Variants in ANKRD28 observed in about 807,000 individuals in gnomAD.
ANKRD28 encodes ankyrin repeat domain 28, also known as serine/threonine-protein phosphatase 6 regulatory ankyrin repeat subunit A.
A neutral mutation model predicts 126.5 loss-of-function variants in ANKRD28; 44 were observed. The observed-to-expected ratio is 0.35, with a 90% CI of 0.27 to 0.45. The LOEUF (loss-of-function observed/expected upper bound fraction) is 0.45, where lower values mean the gene tolerates loss of function less well. Among genes scored for constraint, ANKRD28 ranks in the 20% least tolerant of loss-of-function variants. The pLI, the probability that ANKRD28 is intolerant of heterozygous loss-of-function variation, is 1.00. For missense variants in ANKRD28, 1,110 were observed against 1,316.6 expected (o/e 0.84, Z 2.43); for synonymous variants, 442 against 468.5 (o/e 0.94, Z 0.73).
intron 1 of ANKRD28, among the ~76,000 whole-genome samples, chr3:15,848,670 T>C (rs1287073013): frequency 6.6e-6 from 1 of 151,090 alleles, no homozygotes; most frequent in Non-Finnish European, 1.5e-5. Context: ...AGTGAGACCT[T>C]AACTTAAAAA....
At chr3:15,740,133 C>T (rs556017395) in intron 4 of ANKRD28, among the ~76,000 whole-genome samples, 11 of 152,300 alleles carry the variant, frequency 7.2e-5, no homozygotes, top group African/African-American at 2.4e-4. Context: ...AGTCGTGACA[C>T]AAGAATACAT....
intron 27 of ANKRD28, among the ~76,000 whole-genome samples, chr3:15,672,704 G>A (rs1399292640): frequency 2.0e-5 from 3 of 152,206 alleles, no homozygotes; most frequent in Non-Finnish European, 4.4e-5. Flanking sequence ...ATGAGAGCGG[G>A]AGTGGGGAAA....
At position 15,830,074 on chromosome 3, in the gene ANKRD28, T is replaced by C. The variant is rs1352365385; in HGVS notation, c.27+29303A>G. On this transcript the variant is annotated intron_variant, in intron 1 of 27. Coordinates refer to the ANKRD28 transcript ENST00000399451. The surrounding 1 kb of genome is among the most constrained non-coding windows in gnomAD (Gnocchi z 4.5). ...AAGTAATTTATACTTAAAAACAATC[T>C]TAAGGGAAATAGGCTTTTCCCTCCC... 6.6e-6 allele frequency among the ~76,000 whole-genome samples: 1 copy of C among 152,130 alleles called. No homozygotes were observed. The highest frequency in any genetic ancestry group is 1.5e-5 in the Non-Finnish European group (1 of 68,008).
chr3:15,673,787 C>A (rs2066623949), intron 27 of ANKRD28, among the ~76,000 whole-genome samples: 1 of 151,984 alleles, frequency 6.6e-6, no homozygotes, highest in Non-Finnish European at 1.5e-5. Context: ...TATAACCCTG[C>A]TATGGAGGGG....
chr3:15,743,517 G>A (rs2057256307), intron 4 of ANKRD28, among the ~76,000 whole-genome samples: 1 of 149,906 alleles, frequency 6.7e-6, no homozygotes, highest in East Asian at 2.0e-4. Context: ...TAAGTCGTAT[G>A]CTCTCCAGCA....
In ANKRD28 at chr3:15,854,142, A is replaced by G. The variant is rs1012336745; in HGVS notation, c.27+5235T>C. ...GGATCCATACCTGCACATTCTTGCC[A>G]AAACCTTCGCAGGCCCTATTTTAAG... is the stretch of plus-strand genomic sequence containing the variant. On this transcript the variant is annotated intron_variant, in intron 1 of 27. Transcript: ENST00000399451. This position sits in a 1 kb window ranked among gnomAD's most constrained non-coding sequence, Gnocchi z 4.1. Among the ~76,000 whole-genome samples, 2 of 152,204 alleles carry G rather than the reference A, an allele frequency of 1.3e-5. No homozygotes were observed. The highest frequency in any genetic ancestry group is 2.9e-5 in the Non-Finnish European group (2 of 68,040).
chr3:15,701,746 CTGG>C (rs1335575166), intron 14 of ANKRD28, among the ~76,000 whole-genome samples: 10 of 152,018 alleles, frequency 6.6e-5, no homozygotes, highest in Non-Finnish European at 1.2e-4. Flanking sequence ...GGTAATAAGA[CTGG>C]TGTTTTGTTT....
intron 13 of ANKRD28, among the ~76,000 whole-genome samples, chr3:15,709,134 C>CT (rs147327478): frequency 1.1e-3 from 170 of 152,256 alleles, no homozygotes; most frequent in African/African-American, 4.0e-3. Flanking sequence ...TCACAGCTGC[C>CT]TTCCTGTTGT....
intron 2 of ANKRD28, among the ~76,000 whole-genome samples, chr3:15,772,265 T>C (rs1336570613): frequency 6.6e-6 from 1 of 152,132 alleles, no homozygotes; most frequent in East Asian, 1.9e-4. Context: ...AGCTGATTCT[T>C]TGAAAAGATC....
At chr3:15,692,759 G>A (rs577299550) in intron 17 of ANKRD28, among the ~76,000 whole-genome samples, 4 of 152,262 alleles carry the variant, frequency 2.6e-5, no homozygotes, top group African/African-American at 9.6e-5. Flanking sequence ...ATTTCATTAA[G>A]CCTAATCACT....
At chr3:15,699,559 G>A (rs573853692) in intron 14 of ANKRD28, among the ~76,000 whole-genome samples, 158 of 152,070 alleles carry the variant, frequency 1.0e-3, no homozygotes, top group African/African-American at 3.7e-3. Context: ...ACAACCCCAT[G>A]AAAAAGTGGG....
intron 17 of ANKRD28, among the ~76,000 whole-genome samples, chr3:15,693,619 G>A (rs1431713527): frequency 6.6e-6 from 1 of 152,116 alleles, no homozygotes; most frequent in African/African-American, 2.4e-5. Flanking sequence ...TGCTGCTGCT[G>A]CTGCTGCTAA....
At chr3:15,740,284 C>T (rs2075357529) in intron 4 of ANKRD28, among the ~76,000 whole-genome samples, 1 of 152,092 alleles carries the variant, frequency 6.6e-6, no homozygotes, top group South Asian at 2.1e-4. Flanking sequence ...TCTTCTATAT[C>T]TTGACTGGGA....
intron 5 of ANKRD28, 133 bp from the exon 6 acceptor site, chr3:15,735,630 C>G: frequency 1.6e-6 from 1 of 631,462 alleles, no homozygotes; most frequent in Non-Finnish European, 2.7e-6. Context: ...AGGAGCTAGA[C>G]TAAATACTGA....
At chr3:15,728,602 A>G (rs537164770) in intron 6 of ANKRD28, among the ~76,000 whole-genome samples, 1 of 152,182 alleles carries the variant, frequency 6.6e-6, no homozygotes, top group South Asian at 2.1e-4. Context: ...GACTAAACAT[A>G]TCTTTTATAT....
intron 12 of ANKRD28, 41 bp from the exon 13 acceptor site, chr3:15,709,777 G>A (rs1367413237): frequency 7.4e-7 from 1 of 1,344,428 alleles, no homozygotes; most frequent in South Asian, 1.4e-5. Flanking sequence ...AATTGACAGT[G>A]ATTTTATAAT....
chr3:15,840,024 T>A (rs1336416975), intron 1 of ANKRD28, among the ~76,000 whole-genome samples: 1 of 152,176 alleles, frequency 6.6e-6, no homozygotes, highest in Non-Finnish European at 1.5e-5. Context: ...CCACTGTTAT[T>A]CAACATAGTA....
intron 4 of ANKRD28, among the ~76,000 whole-genome samples, chr3:15,750,344 A>G (rs1162816202): frequency 1.3e-5 from 2 of 152,276 alleles, no homozygotes; most frequent in Non-Finnish European, 2.9e-5. Context: ...CACAAAATTA[A>G]TAACATTACA....
chr3:15,812,229 T>C lies in ANKRD28; in HGVS notation c.28-16923A>G, dbSNP rs2060730370. Reference sequence around the variant, plus strand: ...AAGATGATAATCAAAGATGGCATCATAGAGCTGGGCACAGCGGTGTACACC... The same window carrying C: ...AAGATGATAATCAAAGATGGCATCACAGAGCTGGGCACAGCGGTGTACACC... On this transcript the variant is annotated intron_variant, in intron 1 of 27. Coordinates refer to the ANKRD28 transcript ENST00000399451. This position sits in a 1 kb window ranked among gnomAD's most constrained non-coding sequence, Gnocchi z 4.1. Among the ~76,000 whole-genome samples, 1 of 152,106 alleles carries C rather than the reference T, an allele frequency of 6.6e-6. No homozygotes were observed. The highest frequency in any genetic ancestry group is 6.5e-5 in the Admixed American group (1 of 15,270).
Sources: allele counts gnomAD v4.1 joint callset (sites outside exome capture counted in the v4.1 genomes callset), GRCh38; gene constraint gnomAD v4.1.1; non-coding constraint Gnocchi (gnomAD v3.1); transcripts MANE v1.5; gene names NCBI Gene and HGNC (gene_info 2026-07-23, HGNC 2026-07-21).